The following RNLS variants were observed in gnomAD, a reference collection of about 807,000 sequenced individuals.
The protein encoded by RNLS is renalase, FAD dependent amine oxidase.
Under a neutral mutation model 39.8 loss-of-function variants are expected in RNLS, and 39 were observed. The observed-to-expected ratio is 0.98, with a 90% CI of 0.76 to 1.28. RNLS has a LOEUF of 1.28. Among genes scored for constraint, RNLS ranks in the 50% most tolerant of loss-of-function variants. RNLS has a pLI of 0.00. For synonymous variants in RNLS, 147 were observed against 150.7 expected (o/e 0.98, Z 0.18); for missense variants, 410 against 413.3 (o/e 0.99, Z 0.07).
At chr10:88,180,554 A>C in the RNLS span, among the ~76,000 whole-genome samples, 1 of 152,232 alleles carries the variant, frequency 6.6e-6, no homozygotes, top group East Asian at 1.9e-4. Context: ...TCTACTTATA[A>C]AAGAAAACTT....
chr10:88,244,442 G>A, the RNLS span, among the ~76,000 whole-genome samples: 12 of 152,294 alleles, frequency 7.9e-5, no homozygotes, highest in Middle Eastern at 6.8e-3. Flanking sequence ...AGCAGTAACC[G>A]AAAGGGTGCA....
At chr10:88,325,267 G>T (rs1360251607) in intron 5 of RNLS, among the ~76,000 whole-genome samples, 2 of 152,094 alleles carry the variant, frequency 1.3e-5, no homozygotes, top group East Asian at 3.9e-4. Context: ...AAATGCACAA[G>T]GGTTCCAATT....
At chr10:88,245,590 G>A in the RNLS span, among the ~76,000 whole-genome samples, 1 of 152,070 alleles carries the variant, frequency 6.6e-6, no homozygotes, top group Non-Finnish European at 1.5e-5. Flanking sequence ...ACCCTGTGCT[G>A]GGCTAGTTGT....
At chr10:88,426,953 T>C (rs1004253799) in intron 4 of RNLS, among the ~76,000 whole-genome samples, 2 of 152,036 alleles carry the variant, frequency 1.3e-5, no homozygotes, top group Admixed American at 6.6e-5. Flanking sequence ...ATTATTTTAC[T>C]TTGTAATGGT....
chr10:88,478,299 T>C, intron 4 of RNLS, among the ~76,000 whole-genome samples: 1 of 152,208 alleles, frequency 6.6e-6, no homozygotes. Flanking sequence ...TTATTCCTTC[T>C]ATCCAGTTAG....
chr10:88,413,398 C>T (rs539651512), intron 4 of RNLS, among the ~76,000 whole-genome samples: 1 of 152,300 alleles, frequency 6.6e-6, no homozygotes, highest in African/African-American at 2.4e-5. Flanking sequence ...GTGCTAACAA[C>T]ATTGCTTCTG....
intron 4 of RNLS, among the ~76,000 whole-genome samples, chr10:88,535,373 G>A (rs1436356017): frequency 1.3e-5 from 2 of 151,810 alleles, no homozygotes; most frequent in Admixed American, 1.3e-4. Flanking sequence ...AGTTGTATAG[G>A]TTGGAAACGG....
chr10:88,486,198 TATATC>T (rs1216050995), intron 4 of RNLS, among the ~76,000 whole-genome samples: 1 of 152,034 alleles, frequency 6.6e-6, no homozygotes, highest in Non-Finnish European at 1.5e-5. Context: ...GCCCCTTCCT[TATATC>T]ATATACAAAA....
chr10:88,456,883 T>G (rs1007340963), intron 4 of RNLS, among the ~76,000 whole-genome samples: 1 of 152,156 alleles, frequency 6.6e-6, no homozygotes, highest in Non-Finnish European at 1.5e-5. Flanking sequence ...ATTCTTAAGA[T>G]TTAAAATGTT....
intron 4 of RNLS, among the ~76,000 whole-genome samples, chr10:88,481,760 C>T (rs953898305): frequency 3.9e-5 from 6 of 152,088 alleles, no homozygotes; most frequent in Non-Finnish European, 5.9e-5. Context: ...TATTATTAAC[C>T]TACATATCTA....
At chr10:88,582,051 A>T in intron 2 of RNLS, 151 bp downstream of exon 2, 1 of 591,880 alleles carries the variant, frequency 1.7e-6, no homozygotes, top group Non-Finnish European at 2.9e-6. Context: ...CTCCCATCAC[A>T]GCTAGTTGCC....
intron 4 of RNLS, among the ~76,000 whole-genome samples, chr10:88,508,725 T>G (rs1000090838): frequency 1.3e-5 from 2 of 152,082 alleles, no homozygotes; most frequent in South Asian, 4.1e-4. Context: ...ATAATTCCCC[T>G]CTACTGCTTT....
At chr10:88,172,842 G>GTTGTTT in the RNLS span, among the ~76,000 whole-genome samples, 6 of 43,778 alleles carry the variant, frequency 1.4e-4, no homozygotes, top group African/African-American at 5.8e-4. Context: ...ATTTTGAGTT[G>GTTGTTT]TTTTTTTTTT....
chr10:88,239,989 G>A, the RNLS span, among the ~76,000 whole-genome samples: 2 of 152,120 alleles, frequency 1.3e-5, no homozygotes, highest in African/African-American at 4.8e-5. Context: ...CTTTTGTGAA[G>A]AAATCTTAAT....
chr10:88,416,012 A>G (rs1854002066), intron 4 of RNLS, among the ~76,000 whole-genome samples: 1 of 152,086 alleles, frequency 6.6e-6, no homozygotes, highest in African/African-American at 2.4e-5. Flanking sequence ...TTAGCATGAC[A>G]AAGCCTATTT....
intron 6 of RNLS, among the ~76,000 whole-genome samples, chr10:88,297,250 A>G (rs1337144227): frequency 6.6e-6 from 1 of 152,168 alleles, no homozygotes; most frequent in Non-Finnish European, 1.5e-5. Context: ...GCCATTTTGC[A>G]TTCCTACCAG....
chr10:88,387,917 A>ACAT (rs1447666800), intron 4 of RNLS, among the ~76,000 whole-genome samples: 1 of 152,178 alleles, frequency 6.6e-6, no homozygotes, highest in Non-Finnish European at 1.5e-5. Flanking sequence ...CACCTTGAAA[A>ACAT]CATAGATATA....
chr10:88,433,465 C>A (rs190170645), intron 4 of RNLS, among the ~76,000 whole-genome samples: 1 of 151,996 alleles, frequency 6.6e-6, no homozygotes, highest in Admixed American at 6.6e-5. Flanking sequence ...ATCTTCCTAT[C>A]GAATTATCAT....
At chr10:88,441,568 T>C (rs1323920160) in intron 4 of RNLS, among the ~76,000 whole-genome samples, 1 of 152,168 alleles carries the variant, frequency 6.6e-6, no homozygotes, top group Admixed American at 6.5e-5. Context: ...TGCTTCATGA[T>C]TGGGGATATT....
Sources: gnomAD v4.1 joint callset for allele counts (sites outside exome capture counted in the v4.1 genomes callset) on GRCh38, gnomAD v4.1.1 for gene constraint, MANE v1.5 for transcripts, NCBI Gene and HGNC (gene_info 2026-07-23, HGNC 2026-07-21) for gene names.